UBR4: variants seen among roughly 807,000 people sequenced by gnomAD.
The protein encoded by UBR4 is ubiquitin protein ligase E3 component n-recognin 4.
Under a neutral mutation model 575.6 loss-of-function variants are expected in UBR4, and 124 were observed. That is an observed-to-expected ratio of 0.22 (90% CI 0.19 to 0.25). The LOEUF (loss-of-function observed/expected upper bound fraction) is 0.25, where lower values mean the gene tolerates loss of function less well. Among genes scored for constraint, UBR4 ranks in the 10% least tolerant of loss-of-function variants. The pLI is 1.00. For missense variants in UBR4, 4,818 were observed against 6,478.8 expected (o/e 0.74, Z 8.80); for synonymous variants, 2,455 against 2,473.7 (o/e 0.99, Z 0.22).
At chr1:19,149,743 A>G (rs1452346754) in intron 49 of UBR4, 23 of 1,301,808 alleles carry the variant, frequency 1.8e-5, no homozygotes, top group Non-Finnish European at 2.3e-5. Context: ...GTGCAGAGAA[A>G]AGAAAGAGGG....
At chr1:19,127,326 G>C (rs2081930345) in intron 63 of UBR4, among the ~76,000 whole-genome samples, 2 of 152,160 alleles carry the variant, frequency 1.3e-5, no homozygotes, top group South Asian at 4.1e-4. Flanking sequence ...ACATACACTA[G>C]GGGAATCCTC....
chr1:19,161,911 A>G lies in UBR4; in HGVS notation c.4957-14T>C, dbSNP rs748169217. ...AGAATCTTCATCCTTCAAAAATAATAAGTCTTTTTAATTCGAAATATATCC... is the reference window on the plus strand; with the variant it reads ...AGAATCTTCATCCTTCAAAAATAATGAGTCTTTTTAATTCGAAATATATCC... On this transcript the variant is annotated splice_polypyrimidine_tract_variant and intron_variant, in intron 35 of 105. Coordinates refer to ENST00000375254, the MANE Select transcript of UBR4 (RefSeq NM_020765.3). 6.2e-7 allele frequency: 1 copy of G among 1,613,706 alleles called. No individual in the cohort carries two copies. Among genetic ancestry groups the G allele is most frequent in the African/African-American group, 1.3e-5 (1 of 74,946 alleles).
At chr1:19,134,175 G>A (rs1020128027) in intron 60 of UBR4, among the ~76,000 whole-genome samples, 7 of 150,188 alleles carry the variant, frequency 4.7e-5, no homozygotes, top group African/African-American at 1.7e-4. Flanking sequence ...GATTCCTTGA[G>A]CCTAGGCATT....
In UBR4 at chr1:19,141,451, G is replaced by A. The variant is rs752081536; in HGVS notation, c.8384C>T (p.Ala2795Val). The A allele has an allele frequency of 6.2e-7, 1 of 1,614,212 alleles. No individual in the cohort carries two copies. Among genetic ancestry groups the A allele is most frequent in the South Asian group, 1.1e-5 (1 of 91,082 alleles). Reference sequence around the variant, plus strand: ...CATGGGGGGGAAGCCCTCTGCGCCTGCCAGCAGGGCCTCCAGGGGAGAGGG... The same window carrying A: ...CATGGGGGGGAAGCCCTCTGCGCCTACCAGCAGGGCCTCCAGGGGAGAGGG... ...GNPSPLEALL[A>V]GAEGFPPMLD... The change falls in exon 57 of 106, where the codon GCA becomes GTA. Residue 2795 changes from alanine (A) to valine (V), a missense_variant. Transcript: ENST00000375254.
At chr1:19,173,661 T>A in intron 22 of UBR4, 40 bp from the exon 23 acceptor site, 2 of 1,596,326 alleles carry the variant, frequency 1.3e-6, no homozygotes, top group Non-Finnish European at 1.7e-6. Flanking sequence ...GCACTTGGTA[T>A]GGCCTCAAGA....
chr1:19,138,155 C>G lies in UBR4; in HGVS notation c.8758G>C (p.Asp2920His), dbSNP rs1248898018. ...SVSGRSSAYG[D>H]ATAEGHPAGP... is the part of the protein sequence containing the mutation. ...GCCGGATGCCCCTCAGCTGTAGCAT[C>G]GCCATAAGCACTGCTCCGGCCAGAT... is the stretch of plus-strand genomic sequence containing the variant. Residue 2920 changes from aspartate (D) to histidine (H), a missense_variant, in exon 60 of 106, where the codon GAT (aspartate) becomes CAT (histidine). Asp to His is a moderately conservative substitution (Grantham distance 81). Around this residue, in one of 29 missense-constraint regions of UBR4, gnomAD observed 57 missense variants for 101.5 expected, o/e 0.56. Transcript: ENST00000375254. The G allele has an allele frequency of 6.4e-7, 1 of 1,573,366 alleles. No homozygotes were observed. Among genetic ancestry groups the G allele is most frequent in the Non-Finnish European group, 8.7e-7 (1 of 1,155,590 alleles).
chr1:19,180,197 T>C (rs894369292), intron 17 of UBR4, among the ~76,000 whole-genome samples: 25 of 120,728 alleles, frequency 2.1e-4, no homozygotes, highest in Non-Finnish European at 4.7e-4. Context: ...TATTTATTTA[T>C]TTTTTTTTTG....
Position 19,187,196 on chromosome 1 carries a change from G to A in UBR4, c.1600C>T (p.Leu534Phe), listed in dbSNP as rs770985253. The A allele has an allele frequency of 8.7e-6, 14 of 1,613,048 alleles. No individual in the cohort carries two copies. In the Admixed American group the frequency reaches 2.2e-4, roughly 25 times the overall value. ...TAGGAAGTTGAAAGTAACGTCAAGA[G>A]CAGGTTCATCAGTGGGACAGAGTCA... ...LIDSVPLMNL[L>F]LTLLSTSYRK... The change falls in exon 13 of 106, where the codon CTC becomes TTC. Residue 534 changes from leucine to phenylalanine, a missense_variant. Around this residue, in one of 29 missense-constraint regions of UBR4, gnomAD observed 162 missense variants for 216.4 expected, o/e 0.75. Transcript: ENST00000375254.
intron 81 of UBR4, among the ~76,000 whole-genome samples, chr1:19,108,774 T>C (rs1278724432): frequency 2.0e-5 from 3 of 152,168 alleles, no homozygotes; most frequent in South Asian, 2.1e-4. Flanking sequence ...TCACAGATCT[T>C]TGACAGTCTC....
chr1:19,202,431 C>A (rs1368770330), intron 1 of UBR4, among the ~76,000 whole-genome samples: 1 of 152,116 alleles, frequency 6.6e-6, no homozygotes, highest in East Asian at 1.9e-4. Context: ...GACCAGAATA[C>A]TCAATATACT....
At chr1:19,168,805 G>A (rs1327810766) in intron 27 of UBR4, among the ~76,000 whole-genome samples, 3 of 151,910 alleles carry the variant, frequency 2.0e-5, no homozygotes, top group Admixed American at 1.3e-4. Flanking sequence ...GTGAAACCCC[G>A]TCTCTACTAA....
At chr1:19,132,007 A>T (rs2082524682) in intron 60 of UBR4, among the ~76,000 whole-genome samples, 1 of 152,248 alleles carries the variant, frequency 6.6e-6, no homozygotes, top group African/African-American at 2.4e-5. Flanking sequence ...CATACTTTTA[A>T]ATATCCCATG....
chr1:19,201,674 A>G, intron 2 of UBR4, 44 bp downstream of exon 2: 1 of 1,543,970 alleles, frequency 6.5e-7, no homozygotes, highest in South Asian at 1.1e-5. Context: ...CAATCCCCCT[A>G]TTCACAAGCC....
At chr1:19,091,668 C>T (rs2077524004) in intron 97 of UBR4, among the ~76,000 whole-genome samples, 1 of 152,184 alleles carries the variant, frequency 6.6e-6, no homozygotes. Context: ...CAAATGCTGG[C>T]TAAGACGCAG....
intron 11 of UBR4, among the ~76,000 whole-genome samples, 168 bp downstream of exon 11, chr1:19,192,020 A>G (rs372791690): frequency 1.7e-4 from 26 of 152,340 alleles, no homozygotes; most frequent in Middle Eastern, 3.4e-3. Context: ...AAAAATCACA[A>G]AGCTATGCTG....
chr1:19,106,854 T>C lies in UBR4; in HGVS notation c.12218A>G (p.Lys4073Arg), dbSNP rs1027115448. 2.5e-6 allele frequency: 4 copies of C among 1,613,964 alleles called. No individual in the cohort carries two copies. Among genetic ancestry groups the C allele is most frequent in the Non-Finnish European group, 3.4e-6 (4 of 1,179,918 alleles). ...DPKASYDAWKKCLPIRGIDGN... is the reference protein window; with the variant it reads ...DPKASYDAWKRCLPIRGIDGN... ...AGATATACCTCTGATAGGAAGACACTTCTTCCAGGCATCATAGGATGCCTT... is the reference window on the plus strand; with the variant it reads ...AGATATACCTCTGATAGGAAGACACCTCTTCCAGGCATCATAGGATGCCTT... The change falls in exon 82 of 106, where the codon AAG becomes AGG. Residue 4073 changes from lysine (K) to arginine (R), a missense_variant. By Grantham distance (26) the Lys-to-Arg change is conservative. Transcript: ENST00000375254.
At chr1:19,134,649 T>C (rs562252493) in intron 60 of UBR4, among the ~76,000 whole-genome samples, 61 of 151,898 alleles carry the variant, frequency 4.0e-4, no homozygotes, top group Non-Finnish European at 8.1e-4. Context: ...GCATTTGGAA[T>C]AGAAATAAAA....
chr1:19,104,792 C>A (rs1343734334), intron 85 of UBR4, 126 bp from the exon 86 acceptor site: 2 of 1,170,000 alleles, frequency 1.7e-6, no homozygotes, highest in Admixed American at 2.1e-5. Flanking sequence ...CGAACCCTTG[C>A]AGAACTCCTT....
At position 19,161,124 on chromosome 1, in the gene UBR4, G is replaced by A. The variant is rs762220939; in HGVS notation, c.5199C>T (p.Ser1733=). ...SCLALVKRTP[S]SGMSSTMKES... ...CCTTCATGGTAGAGCTCATGCCACTGCTAGGAGTTCTCTTCACCAGAGCCT... is the reference window on the plus strand; with the variant it reads ...CCTTCATGGTAGAGCTCATGCCACTACTAGGAGTTCTCTTCACCAGAGCCT... Residue 1733 remains serine (S), a synonymous_variant, in exon 38 of 106, where the codon AGC becomes AGT. Transcript: ENST00000375254. 4 of 1,614,078 alleles carry A rather than the reference G, an allele frequency of 2.5e-6. No homozygotes were observed. In the South Asian group the frequency reaches 3.3e-5, roughly 13 times the overall value.
Sources: gnomAD v4.1 joint callset for allele counts (sites outside exome capture counted in the v4.1 genomes callset) on GRCh38, gnomAD v4.1.1 for gene constraint, gnomAD v4.1.1 regional missense constraint, MANE v1.5 for transcripts, NCBI Gene and HGNC (gene_info 2026-07-23, HGNC 2026-07-21) for gene names.